PLPP7: variants seen among roughly 807,000 people sequenced by gnomAD.
PLPP7 encodes phospholipid phosphatase 7 (inactive), also known as inactive phospholipid phosphatase 7.
PLPP7 carries 11 observed loss-of-function variants against 16.9 expected under a neutral mutation model. The ratio of observed to expected loss-of-function variants is 0.65; its 90% CI spans 0.41 to 1.08. The LOEUF (loss-of-function observed/expected upper bound fraction) is 1.08, where lower values mean the gene tolerates loss of function less well. Among genes scored for constraint, PLPP7 ranks in the 50% least tolerant of loss-of-function variants. The pLI is 0.00. For missense variants in PLPP7, 358 were observed against 397.1 expected (o/e 0.90, Z 0.84); for synonymous variants, 174 against 175.1 (o/e 0.99, Z 0.05).
At chr9:131,291,627 C>T (rs1390273695) in intron 1 of PLPP7, among the ~76,000 whole-genome samples, 2 of 150,108 alleles carry the variant, frequency 1.3e-5, no homozygotes, top group African/African-American at 4.9e-5. Context: ...TGCAGTGGCA[C>T]GATCTTGGCT....
chr9:131,293,243 C>T (rs564141053), intron 1 of PLPP7, among the ~76,000 whole-genome samples: 103 of 98,090 alleles, frequency 1.1e-3, no homozygotes, highest in African/African-American at 3.2e-3. Flanking sequence ...GGCTGCAGGT[C>T]GGGCATATCA....
intron 1 of PLPP7, 129 bp from the exon 2 acceptor site, chr9:131,307,793 TG>T: frequency 1.1e-6 from 1 of 942,940 alleles, no homozygotes; most frequent in Non-Finnish European, 1.5e-6. Flanking sequence ...GGACCCTGCC[TG>T]GGGGTCAGTG....
intron 1 of PLPP7, among the ~76,000 whole-genome samples, chr9:131,307,510 C>A (rs1835865661): frequency 7.2e-6 from 1 of 139,646 alleles, no homozygotes. Context: ...CAAGATCTCA[C>A]CTCTGCACTC....
chr9:131,296,941 G>A (rs1325676083), intron 1 of PLPP7, among the ~76,000 whole-genome samples: 1 of 152,234 alleles, frequency 6.6e-6, no homozygotes, highest in Non-Finnish European at 1.5e-5. Flanking sequence ...TCCTAACTGA[G>A]GGGTATTTAG....
At chr9:131,297,321 A>G (rs143197874) in intron 1 of PLPP7, among the ~76,000 whole-genome samples, 114 of 151,856 alleles carry the variant, frequency 7.5e-4, no homozygotes, top group African/African-American at 2.7e-3. Flanking sequence ...TCTATTGATG[A>G]TCCTGAGTGC....
chr9:131,306,387 C>T (rs1367952053), intron 1 of PLPP7, among the ~76,000 whole-genome samples: 3 of 148,700 alleles, frequency 2.0e-5, no homozygotes, highest in Non-Finnish European at 4.5e-5. Flanking sequence ...ACTAAAAATA[C>T]AAAAATTAGC....
At chr9:131,297,410 G>C (rs936664017) in intron 1 of PLPP7, among the ~76,000 whole-genome samples, 3 of 145,860 alleles carry the variant, frequency 2.1e-5, no homozygotes, top group Non-Finnish European at 3.0e-5. Flanking sequence ...TTTCTGAAGA[G>C]AGTCTTGCTC....
intron 1 of PLPP7, among the ~76,000 whole-genome samples, chr9:131,304,958 A>G (rs1211225016): frequency 6.6e-6 from 1 of 152,220 alleles, no homozygotes; most frequent in Admixed American, 6.5e-5. Context: ...GTTGGGAAAG[A>G]GTGGAACATT....
chr9:131,302,382 G>C (rs1180310041), intron 1 of PLPP7, among the ~76,000 whole-genome samples: 1 of 152,186 alleles, frequency 6.6e-6, no homozygotes, highest in African/African-American at 2.4e-5. Flanking sequence ...TTCCTCAGCT[G>C]CTTCATGGGG....
chr9:131,292,821 CA>C (rs1835695275), intron 1 of PLPP7: 1 of 985,182 alleles, frequency 1.0e-6, no homozygotes, highest in Admixed American at 6.2e-5. Flanking sequence ...TCCCCTGCCC[CA>C]AACATTGAAA....
chr9:131,297,344 T>A (rs1392829711), intron 1 of PLPP7, among the ~76,000 whole-genome samples: 2 of 151,754 alleles, frequency 1.3e-5, no homozygotes, highest in Non-Finnish European at 2.9e-5. Flanking sequence ...TGCACACCAC[T>A]GGTCTTCAAA....
At chr9:131,305,820 G>A (rs1345337845) in intron 1 of PLPP7, among the ~76,000 whole-genome samples, 1 of 152,024 alleles carries the variant, frequency 6.6e-6, no homozygotes, top group Non-Finnish European at 1.5e-5. Flanking sequence ...GTACAAACAG[G>A]GTTTTGCCAT....
chr9:131,308,214 A>C lies in PLPP7; in HGVS notation c.743A>C (p.Tyr248Ser). The C allele has an allele frequency of 6.3e-7, 1 of 1,599,488 alleles. No homozygotes were observed. Among genetic ancestry groups the C allele is most frequent in the Non-Finnish European group, 8.5e-7 (1 of 1,179,776 alleles). Residue 248 changes from tyrosine (Y) to serine (S), a missense_variant, in exon 2 of 2, where the codon TAC (tyrosine) becomes TCC (serine). By Grantham distance (144) the Tyr-to-Ser change is moderately radical. Coordinates refer to ENST00000372264, the MANE Select transcript of PLPP7 (RefSeq NM_032728.4). ...TDVLSGFVIG[Y>S]LQFRLVELVW... ...GTCCTCTCCGGCTTTGTCATCGGCT[A>C]CCTCCAGTTCCGTCTGGTGGAGCTG... is the stretch of plus-strand genomic sequence containing the variant.
Position 131,307,995 on chromosome 9 carries a change from GC to G in PLPP7, c.528del (p.Ser177AlafsTer54). ...AAGCGGCGCGGCCCGTACGAGACGA[GC>G]CCCAGCCTCCTGGACTACCTCACCA... ...LIKRRGPYETSPSLLDYLTMD... is the reference protein window; with the variant it reads ...LIKRRGPYETXPSLLDYLTMD... On this transcript the variant is annotated frameshift_variant, in exon 2 of 2. Coordinates refer to ENST00000372264, the MANE Select transcript of PLPP7 (RefSeq NM_032728.4). LOFTEE classifies it high-confidence loss of function. 1 of 1,600,554 alleles carries G rather than the reference GC, an allele frequency of 6.2e-7. No homozygotes were observed.
chr9:131,296,594 G>C (rs1008206353), intron 1 of PLPP7, among the ~76,000 whole-genome samples: 3 of 152,150 alleles, frequency 2.0e-5, no homozygotes, highest in East Asian at 1.9e-4. Flanking sequence ...TGATTACAAG[G>C]CTAGATCAAG....
rs1279595141 is a variant in PLPP7 at position 131,295,075 on chromosome 9, A to C, written c.451+4627A>C. Reference sequence around the variant, plus strand: ...GCTTGCAGTGAGCTGAGATCGCACCACTGCACTCCAGCCTGGGCGACAGAG... The same window carrying C: ...GCTTGCAGTGAGCTGAGATCGCACCCCTGCACTCCAGCCTGGGCGACAGAG... On this transcript the variant is annotated intron_variant, in intron 1 of 1. Coordinates refer to ENST00000372264, the MANE Select transcript of PLPP7 (RefSeq NM_032728.4). This position sits in a 1 kb window ranked among gnomAD's most constrained non-coding sequence, Gnocchi z 4.0. 5.5e-5 allele frequency among the ~76,000 whole-genome samples: 8 copies of C among 146,332 alleles called. No homozygotes were observed. The highest frequency in any genetic ancestry group is 9.0e-5 in the Non-Finnish European group (6 of 66,494).
At chr9:131,303,247 G>A (rs1389426059) in intron 1 of PLPP7, among the ~76,000 whole-genome samples, 2 of 150,584 alleles carry the variant, frequency 1.3e-5, no homozygotes, top group African/African-American at 4.9e-5. Context: ...CAGGAGAATC[G>A]CTTGAACCTG....
Position 131,290,953 on chromosome 9 carries a change from G to T in PLPP7, c.451+505G>T, listed in dbSNP as rs1356357511. ...AAAGCTGCCCAGGCTTCTTCCCCAG[G>T]GTCTGGGGACCCAGGGAGTTCCCCT... is the stretch of plus-strand genomic sequence containing the variant. On this transcript the variant is annotated intron_variant, in intron 1 of 1. Transcript: ENST00000372264. The surrounding 1 kb of genome is among the most constrained non-coding windows in gnomAD (Gnocchi z 4.2). Among the ~76,000 whole-genome samples the T allele has an allele frequency of 6.6e-6, 1 of 152,108 alleles. No individual in the cohort carries two copies. The highest frequency in any genetic ancestry group is 1.5e-5 in the Non-Finnish European group (1 of 67,996).
chr9:131,307,968 T>C lies in PLPP7; in HGVS notation c.497T>C (p.Ile166Thr), dbSNP rs1247998044. 3.8e-6 allele frequency: 6 copies of C among 1,598,324 alleles called. No homozygotes were observed. The highest frequency in any genetic ancestry group is 3.3e-5 in the Admixed American group (2 of 59,910). ...IMTVAGVQKLIKRRGPYETSP... is the reference protein window; with the variant it reads ...IMTVAGVQKLTKRRGPYETSP... The stretch of plus-strand genomic sequence containing the variant: ...ACGGTGGCCGGCGTGCAGAAGCTCA[T>C]CAAGCGGCGCGGCCCGTACGAGACG... Residue 166 changes from isoleucine (I) to threonine (T), a missense_variant, in exon 2 of 2, where the codon ATC (isoleucine) becomes ACC (threonine). Physicochemically the swap from Ile to Thr is moderately conservative, Grantham distance 89 (BLOSUM62 -1). Coordinates refer to ENST00000372264, the MANE Select transcript of PLPP7 (RefSeq NM_032728.4).
Sources: allele counts gnomAD v4.1 joint callset (sites outside exome capture counted in the v4.1 genomes callset), GRCh38; gene constraint gnomAD v4.1.1; non-coding constraint Gnocchi (gnomAD v3.1); transcripts MANE v1.5; gene names NCBI Gene and HGNC (gene_info 2026-07-23, HGNC 2026-07-21).